Variants in CCDC170 observed in about 807,000 individuals in gnomAD.
The protein encoded by CCDC170 is coiled-coil domain containing 170.
In CCDC170, 69 loss-of-function variants were observed where a neutral mutation model predicts 72.6. The ratio of observed to expected loss-of-function variants is 0.95; its 90% CI spans 0.78 to 1.16. CCDC170 has a LOEUF of 1.16. CCDC170 is among the 50% of genes most tolerant of loss of function. The pLI is 0.00. For synonymous variants in CCDC170, 300 were observed against 303.9 expected, an observed-to-expected ratio of 0.99 and a Z score of 0.13; for missense variants, 852 against 832.5, an observed-to-expected ratio of 1.02 and a Z score of -0.29.
chr6:151,494,054 AC>A lies in CCDC170; in HGVS notation c.-72del. ...CGTTGCCCGAGGAGACACCCGCGCC[AC>A]CCGCCGGCTCCCGGCGCCGCCGCTT... is the stretch of plus-strand genomic sequence containing the variant. On this transcript the variant is annotated 5_prime_UTR_variant, in exon 1 of 11. Transcript: ENST00000239374. 1 of 1,377,024 alleles carries A rather than the reference AC, an allele frequency of 7.3e-7. No individual in the cohort carries two copies. The allele number at this position is 1,377,024 out of a possible 1,614,324, so 85.3% of individuals were successfully genotyped here.
intron 9 of CCDC170, among the ~76,000 whole-genome samples, chr6:151,607,364 T>A (rs888547652): frequency 1.3e-5 from 2 of 152,242 alleles, no homozygotes; most frequent in African/African-American, 4.8e-5. Flanking sequence ...TGTTCCTTTT[T>A]TCCTCTCTTA....
At position 151,559,978 on chromosome 6, in the gene CCDC170, A is replaced by G. The variant is rs1185731228; in HGVS notation, c.774+11489A>G. Among the ~76,000 whole-genome samples the G allele has an allele frequency of 2.6e-5, 4 of 151,604 alleles. No individual in the cohort carries two copies. The East Asian group carries it at 5.8e-4, about 22-fold the overall frequency. On this transcript the variant is annotated intron_variant, in intron 5 of 10. Transcript: ENST00000239374. ...TGTTCTGATCTTAGTTATTTCTTCT[A>G]TTGGCCTTGGGTTGAGTTTGTTCTT... is the stretch of plus-strand genomic sequence containing the variant.
intron 9 of CCDC170, among the ~76,000 whole-genome samples, chr6:151,600,451 C>A (rs1411925189): frequency 6.6e-6 from 1 of 152,172 alleles, no homozygotes; most frequent in Non-Finnish European, 1.5e-5. Flanking sequence ...ACGTGACCTC[C>A]CCCTGTGTGT....
In CCDC170 at chr6:151,494,069, G is replaced by A. The variant is rs1781871955; in HGVS notation, c.-60G>A. 1.4e-6 allele frequency: 2 copies of A among 1,428,482 alleles called. No individual in the cohort carries two copies. Among genetic ancestry groups the A allele is most frequent in the African/African-American group, 1.5e-5 (1 of 67,184 alleles). The allele number at this position is 1,428,482 out of a possible 1,614,324, so 88.5% of individuals were successfully genotyped here. A position where few individuals can be genotyped will look rare whatever the true frequency, so the allele number is the denominator to read the frequency against. On this transcript the variant is annotated 5_prime_UTR_variant, in exon 1 of 11. Transcript: ENST00000239374. ...CACCCGCGCCACCCGCCGGCTCCCG[G>A]CGCCGCCGCTTCCTCAGGGCCGGTT...
At chr6:151,526,113 TTCCTTTCTTCCTTCCTTCCTTCCC>T (rs1782404850) in intron 1 of CCDC170, among the ~76,000 whole-genome samples, 1 of 149,274 alleles carries the variant, frequency 6.7e-6, no homozygotes, top group African/African-American at 2.5e-5. Flanking sequence ...CCTTCCTTCC[TTCCTTTCTTCCTTCCTTCCTTCCC>T]TCCCTCCCTC....
chr6:151,514,335 AGGAGGGAG>A lies in CCDC170; in HGVS notation c.57+20184_57+20191del, dbSNP rs560525371. On this transcript the variant is annotated intron_variant, in intron 1 of 10. Coordinates refer to ENST00000239374, the MANE Select transcript of CCDC170 (RefSeq NM_025059.4). ...GAAAGAAAATGAAAGAAAGGAAGGA[AGGAGGGAG>A]GGAGGGAGGGAGGGAGGGAGGGAGG... Among the ~76,000 whole-genome samples the A allele has an allele frequency of 1.5e-3, 95 of 65,394 alleles. 1 individual carries two copies. The highest frequency in any genetic ancestry group is 6.7e-3 in the African/African-American group (57 of 8,518). 42.9% of individuals were successfully genotyped at this position (65,394 alleles called of 152,430 possible). A position where few individuals can be genotyped will look rare whatever the true frequency, so the allele number is the denominator to read the frequency against.
intron 1 of CCDC170, among the ~76,000 whole-genome samples, chr6:151,534,963 A>T (rs929307777): frequency 6.6e-6 from 1 of 152,174 alleles, no homozygotes; most frequent in Non-Finnish European, 1.5e-5. Flanking sequence ...TGTCTTTCAC[A>T]AAGACCACAG....
At chr6:151,541,886 A>ATATAT (rs1554221612) in intron 3 of CCDC170, among the ~76,000 whole-genome samples, 20 of 137,154 alleles carry the variant, frequency 1.5e-4, no homozygotes, top group African/African-American at 5.4e-4. Context: ...ATATATATAT[A>ATATAT]TTTTTTTTTT....
chr6:151,591,440 T>G lies in CCDC170; in HGVS notation c.1294-1667T>G, dbSNP rs545195175. Among the ~76,000 whole-genome samples, 3 of 145,048 alleles carry G rather than the reference T, an allele frequency of 2.1e-5. No individual in the cohort carries two copies. In the South Asian group the frequency reaches 6.7e-4, roughly 33 times the overall value. ...AGACTGCTAAAATATGAATCTTGAC[T>G]TCCTTTATACAGCGCTGTTTTAGGG... On this transcript the variant is annotated intron_variant, in intron 7 of 10. Coordinates refer to ENST00000239374, the MANE Select transcript of CCDC170 (RefSeq NM_025059.4).
rs79403452 is a variant in CCDC170 at position 151,569,848 on chromosome 6, G to A, written c.775-3326G>A. On this transcript the variant is annotated intron_variant, in intron 5 of 10. Coordinates refer to ENST00000239374, the MANE Select transcript of CCDC170 (RefSeq NM_025059.4). ...CCAAGGCCTTGTCACTCTGGCTCTC[G>A]AGTCCTGCATTTTATACAAGAAACA... Among the ~76,000 whole-genome samples the A allele has an allele frequency of 3.9e-5, 6 of 152,238 alleles. No homozygotes were observed. In the East Asian group the frequency reaches 9.6e-4, roughly 24 times the overall value.
chr6:151,530,904 G>C (rs17838427), intron 1 of CCDC170, among the ~76,000 whole-genome samples: 2 of 151,884 alleles, frequency 1.3e-5, no homozygotes, highest in East Asian at 3.9e-4. Flanking sequence ...TTTTCTCTTA[G>C]GTCATTGGTT....
rs1428747888 is a variant in CCDC170 at position 151,494,307 on chromosome 6, C to T, written c.57+122C>T. 2.4e-5 allele frequency: 26 copies of T among 1,066,810 alleles called. 1 individual carries two copies. The highest frequency in any genetic ancestry group is 8.8e-6 in the Non-Finnish European group (7 of 797,952). The allele number at this position is 1,066,810 out of a possible 1,614,324, so 66.1% of individuals were successfully genotyped here. On this transcript the variant is annotated intron_variant, in intron 1 of 10. Coordinates refer to ENST00000239374, the MANE Select transcript of CCDC170 (RefSeq NM_025059.4). ...GGAGGCGTGGGCAGAATCAGAGCAGCTCTGTGCCCGCGAGGGCTGTGGCCT... is the reference window on the plus strand; with the variant it reads ...GGAGGCGTGGGCAGAATCAGAGCAGTTCTGTGCCCGCGAGGGCTGTGGCCT...
rs1341582446 is a variant in CCDC170 at position 151,499,510 on chromosome 6, A to T, written c.57+5325A>T. On this transcript the variant is annotated intron_variant, in intron 1 of 10. Coordinates refer to ENST00000239374, the MANE Select transcript of CCDC170 (RefSeq NM_025059.4). Reference sequence around the variant, plus strand: ...TATTCTAGGCACTCTGTATAAGTGGAATCAGACTGTATTTGACTATTCTAG... The same window carrying T: ...TATTCTAGGCACTCTGTATAAGTGGTATCAGACTGTATTTGACTATTCTAG... Among the ~76,000 whole-genome samples, 5 of 127,396 alleles carry T rather than the reference A, an allele frequency of 3.9e-5. 1 individual carries two copies. The highest frequency in any genetic ancestry group is 6.4e-5 in the Non-Finnish European group (4 of 62,970). The allele number at this position is 127,396 out of a possible 152,430, so 83.6% of individuals were successfully genotyped here.
chr6:151,525,242 C>T (rs969497431), intron 1 of CCDC170, among the ~76,000 whole-genome samples: 2 of 152,108 alleles, frequency 1.3e-5, no homozygotes, highest in Non-Finnish European at 2.9e-5. Flanking sequence ...TAGTCTGATT[C>T]TTTTAACTGC....
At chr6:151,517,437 T>C (rs75609149) in intron 1 of CCDC170, among the ~76,000 whole-genome samples, 2,787 of 134,982 alleles carry the variant, frequency 0.021, 79 homozygotes, top group African/African-American at 0.069. Context: ...TCTTCTTCTT[T>C]TTTTTTTTTT....
chr6:151,616,060 A>G (rs906504363), intron 10 of CCDC170, among the ~76,000 whole-genome samples: 2 of 152,156 alleles, frequency 1.3e-5, no homozygotes, highest in African/African-American at 4.8e-5. Context: ...TTATTCAAGC[A>G]GCGGAAGGGT....
intron 6 of CCDC170, among the ~76,000 whole-genome samples, chr6:151,584,942 G>A (rs1026806787): frequency 6.6e-6 from 1 of 152,178 alleles, no homozygotes; most frequent in African/African-American, 2.4e-5. Flanking sequence ...GTACTGTACT[G>A]TTATGTAAAT....
chr6:151,591,549 C>T lies in CCDC170; in HGVS notation c.1294-1558C>T, dbSNP rs147926115. Among the ~76,000 whole-genome samples, 135 of 151,790 alleles carry T rather than the reference C, an allele frequency of 8.9e-4. 1 individual carries two copies. In the East Asian group the frequency reaches 0.023, roughly 26 times the overall value. On this transcript the variant is annotated intron_variant, in intron 7 of 10. Transcript: ENST00000239374. ...TTGCTCTGTCGCCCAGGCTGGAGTG[C>T]GGTGGTGCAATCTCGGCTTACTATA...
chr6:151,525,688 C>T (rs1782393619), intron 1 of CCDC170, among the ~76,000 whole-genome samples: 1 of 152,156 alleles, frequency 6.6e-6, no homozygotes, highest in African/African-American at 2.4e-5. Context: ...ACTCAGCCCG[C>T]CTGCACCCAG....
Sources: allele counts gnomAD v4.1 joint callset (sites outside exome capture counted in the v4.1 genomes callset), GRCh38; gene constraint gnomAD v4.1.1; transcripts MANE v1.5; gene names NCBI Gene and HGNC (gene_info 2026-07-23, HGNC 2026-07-21).